The following KLF8 variants were observed in gnomAD, a reference collection of about 807,000 sequenced individuals.
KLF8 encodes the protein KLF transcription factor 8.
KLF8 carries 10 observed loss-of-function variants against 18.2 expected under a neutral mutation model. That is an observed-to-expected ratio of 0.55 (90% CI 0.34 to 0.93). The LOEUF (loss-of-function observed/expected upper bound fraction) is 0.93. Ranked by LOEUF, KLF8 falls within the 40% of genes least tolerant of loss-of-function variation. KLF8 has a pLI of 0.02. For missense variants in KLF8, 264 were observed against 277.9 expected (o/e 0.95, Z 0.36); for synonymous variants, 109 against 97.3 (o/e 1.12, Z -0.71).
chrX:56,107,499 G>A, the KLF8 span, among the ~76,000 whole-genome samples: 4 of 111,837 alleles, frequency 3.6e-5, no homozygotes, highest in African/African-American at 1.3e-4. Flanking sequence ...CGTCATCAAG[G>A]CTCCATGGAC....
At chrX:56,258,656 A>G (rs1038075594) in intron 2 of KLF8, among the ~76,000 whole-genome samples, 7 of 112,570 alleles carry the variant, frequency 6.2e-5, no homozygotes, top group African/African-American at 1.9e-4. Flanking sequence ...GGTATACTGA[A>G]CTTCCAGAAT....
At chrX:56,190,792 C>A in the KLF8 span, among the ~76,000 whole-genome samples, 3 of 110,873 alleles carry the variant, frequency 2.7e-5, no homozygotes, top group Non-Finnish European at 1.9e-5. Context: ...CCCACTATAC[C>A]AAAACCTATG....
At chrX:56,064,879 G>A in the KLF8 span, among the ~76,000 whole-genome samples, 1 of 111,262 alleles carries the variant, frequency 9.0e-6, no homozygotes, top group Non-Finnish European at 1.9e-5. Flanking sequence ...AGCGTTGTTG[G>A]CTGGCAGTTT....
At chrX:56,078,443 T>C in the KLF8 span, among the ~76,000 whole-genome samples, 2 of 112,273 alleles carry the variant, frequency 1.8e-5, no homozygotes, top group African/African-American at 6.5e-5. Context: ...CTGGATTACA[T>C]TTATTGATTT....
the KLF8 span, among the ~76,000 whole-genome samples, chrX:56,046,762 A>G: frequency 9.0e-6 from 1 of 111,547 alleles, no homozygotes; most frequent in Non-Finnish European, 1.9e-5. Context: ...TTAATCTAAT[A>G]CATTTTTTAT....
chrX:55,978,612 T>C, the KLF8 span, among the ~76,000 whole-genome samples: 2 of 111,867 alleles, frequency 1.8e-5, no homozygotes. Context: ...AGTGAAGTCT[T>C]CAGGAGGATG....
the KLF8 span, among the ~76,000 whole-genome samples, chrX:56,098,313 C>T: frequency 8.9e-6 from 1 of 111,902 alleles, no homozygotes; most frequent in African/African-American, 3.2e-5. Flanking sequence ...CTCAAGTATT[C>T]ATTTATAGCA....
the KLF8 span, among the ~76,000 whole-genome samples, chrX:56,026,224 A>G: frequency 1.8e-5 from 2 of 111,478 alleles, no homozygotes. Context: ...GGTCCTTTCC[A>G]TCATGGCCGC....
the KLF8 span, among the ~76,000 whole-genome samples, chrX:55,924,930 A>G: frequency 1.2e-5 from 1 of 86,455 alleles, no homozygotes; most frequent in Admixed American, 1.7e-4. Flanking sequence ...ATCTCTGCTC[A>G]TTGCAACCTC....
the KLF8 span, among the ~76,000 whole-genome samples, chrX:56,210,973 C>T: frequency 9.1e-6 from 1 of 110,388 alleles, no homozygotes; most frequent in Non-Finnish European, 1.9e-5. Context: ...CTTGAGTTTC[C>T]TCAACACAGC....
chrX:56,236,550 C>T (rs1464012684), intron 1 of KLF8, among the ~76,000 whole-genome samples: 2 of 110,883 alleles, frequency 1.8e-5, no homozygotes, highest in South Asian at 3.8e-4. Flanking sequence ...ATTCTAACTG[C>T]CACCACCTTA....
chrX:55,935,194 A>T, the KLF8 span, among the ~76,000 whole-genome samples: 1 of 112,118 alleles, frequency 8.9e-6, no homozygotes, highest in Non-Finnish European at 1.9e-5. Context: ...GTTGGTATCA[A>T]TGTTAATTGT....
the KLF8 span, among the ~76,000 whole-genome samples, chrX:56,176,709 G>A: frequency 1.3e-4 from 14 of 111,191 alleles, no homozygotes; most frequent in Admixed American, 5.8e-4. Context: ...TTCCAACTTG[G>A]TTCCATTCTC....
the KLF8 span, chrX:55,908,233 G>C: frequency 3.8e-5 from 9 of 239,565 alleles, no homozygotes; most frequent in Non-Finnish European, 6.7e-5. Context: ...CAGGACAAAG[G>C]GGGCGGGGAG....
the KLF8 span, among the ~76,000 whole-genome samples, chrX:56,082,850 T>C: frequency 8.9e-6 from 1 of 111,867 alleles, no homozygotes; most frequent in Non-Finnish European, 1.9e-5. Context: ...CACCTAAATA[T>C]ATCATTTTGC....
chrX:56,002,497 A>G, the KLF8 span, among the ~76,000 whole-genome samples: 13 of 110,163 alleles, frequency 1.2e-4, no homozygotes, highest in Non-Finnish European at 2.1e-4. Context: ...GCTTCATGAG[A>G]GCAGGGACCA....
At chrX:56,058,731 T>A in the KLF8 span, among the ~76,000 whole-genome samples, 9,928 of 110,921 alleles carry the variant, frequency 0.09, 1,098 homozygotes, top group African/African-American at 0.31. Context: ...TGTGCCACAT[T>A]TTCTTTATCC....
chrX:56,040,736 A>G, the KLF8 span, among the ~76,000 whole-genome samples: 1 of 99,097 alleles, frequency 1.0e-5, no homozygotes, highest in Non-Finnish European at 2.0e-5. Flanking sequence ...GCCTAATAGA[A>G]TGAGTTAGGG....
chrX:56,134,934 A>G, the KLF8 span, among the ~76,000 whole-genome samples: 2 of 111,983 alleles, frequency 1.8e-5, no homozygotes, highest in African/African-American at 6.5e-5. Flanking sequence ...ACTAATGATC[A>G]GGGAAGTGCA....
Sources: allele counts gnomAD v4.1 joint callset (sites outside exome capture counted in the v4.1 genomes callset), GRCh38; gene constraint gnomAD v4.1.1; transcripts MANE v1.5; gene names NCBI Gene and HGNC (gene_info 2026-07-23, HGNC 2026-07-21).